Variants in CADPS observed in about 807,000 individuals in gnomAD.
CADPS encodes calcium-dependent secretion activator 1.
CADPS carries 57 observed loss-of-function variants against 167.3 expected under a neutral mutation model. The observed-to-expected ratio is 0.34, with a 90% CI of 0.28 to 0.42. The LOEUF (loss-of-function observed/expected upper bound fraction) is 0.42. CADPS is among the 20% of genes least tolerant of loss of function. The pLI is 1.00. For missense variants in CADPS, 1,414 were observed against 1,738.1 expected (o/e 0.81, Z 3.32); for synonymous variants, 676 against 635.3 (o/e 1.06, Z -0.96).
chr3:62,570,480 G>A (rs2152450391), intron 9 of CADPS, among the ~76,000 whole-genome samples: 1 of 152,294 alleles, frequency 6.6e-6, no homozygotes, highest in East Asian at 1.9e-4. Flanking sequence ...TTCAGCCAAA[G>A]TTAATGTCCC....
At chr3:62,853,136 C>G (rs1020163404) in intron 1 of CADPS, among the ~76,000 whole-genome samples, 10 of 152,072 alleles carry the variant, frequency 6.6e-5, no homozygotes, top group Non-Finnish European at 1.2e-4. Context: ...AACAGTAGGA[C>G]AAACAGGAAA....
At chr3:62,400,014 T>C (rs1705316628) in intron 29 of CADPS, among the ~76,000 whole-genome samples, 1 of 152,240 alleles carries the variant, frequency 6.6e-6, no homozygotes, top group African/African-American at 2.4e-5. Flanking sequence ...AGTCTTGTTT[T>C]AGTATTTTTG....
At position 62,461,627 on chromosome 3, in the gene CADPS, A is replaced by G. The variant is rs7618890; in HGVS notation, c.3636+3740T>C. Among the ~76,000 whole-genome samples the G allele has an allele frequency of 9.6e-3, 1,456 of 152,198 alleles. 22 individuals carry two copies. Among genetic ancestry groups the G allele is most frequent in the African/African-American group, 0.033 (1,354 of 41,500 alleles). On this transcript the variant is annotated intron_variant, in intron 26 of 29. Coordinates refer to ENST00000383710, the MANE Select transcript of CADPS (RefSeq NM_003716.4). ...CTGCCTCCTGGCTAATGCAGCTGCT[A>G]TTTTGTCCAGAAGATTCTCCCCTCT...
chr3:62,512,274 C>G (rs1255013805), intron 17 of CADPS, among the ~76,000 whole-genome samples: 1 of 152,132 alleles, frequency 6.6e-6, no homozygotes, highest in Admixed American at 6.6e-5. Context: ...TTCGGTCATC[C>G]TGTCCATGCT....
intron 11 of CADPS, among the ~76,000 whole-genome samples, chr3:62,537,796 C>A (rs1398473488): frequency 6.6e-6 from 1 of 151,838 alleles, no homozygotes; most frequent in East Asian, 1.9e-4. Flanking sequence ...TTAGCAGTGT[C>A]ACTTCCAGAT....
chr3:62,784,309 T>C (rs1443300868), intron 1 of CADPS, among the ~76,000 whole-genome samples: 3 of 152,212 alleles, frequency 2.0e-5, no homozygotes, highest in Admixed American at 6.5e-5. Flanking sequence ...ATACATTATT[T>C]TGATAACATA....
At chr3:62,680,366 C>T (rs555750931) in intron 3 of CADPS, among the ~76,000 whole-genome samples, 1 of 152,094 alleles carries the variant, frequency 6.6e-6, no homozygotes, top group South Asian at 2.1e-4. Context: ...CATTGGCCCA[C>T]CCTACCCCAA....
rs202064143 is a variant in CADPS, at chr3:62,765,907, G to A, written c.519C>T (p.Asp173=). ...TCTGCACAGCGTTCATGAAGGCTTC[G>A]TCAGCCATGATCTGGGTTTCCCCAT... The part of the protein sequence containing the change: ...FLNGETQIMA[D]EAFMNAVQSY... The change falls in exon 2 of 30, where the codon GAC becomes GAT. Residue 173 remains aspartate, a synonymous_variant. Coordinates refer to ENST00000383710, the MANE Select transcript of CADPS (RefSeq NM_003716.4). The A allele has an allele frequency of 5.0e-6, 8 of 1,612,894 alleles. No homozygotes were observed. The highest frequency in any genetic ancestry group is 2.2e-5 in the South Asian group (2 of 91,038).
At chr3:62,662,511 A>G in intron 3 of CADPS, 117 bp from the exon 4 acceptor site, 1 of 815,782 alleles carries the variant, frequency 1.2e-6, no homozygotes, top group Admixed American at 2.4e-5. Flanking sequence ...TCAGTTAAAA[A>G]AAAATTCTTA....
At chr3:62,865,709 A>T (rs2081566358) in intron 1 of CADPS, among the ~76,000 whole-genome samples, 1 of 152,154 alleles carries the variant, frequency 6.6e-6, no homozygotes, top group Admixed American at 6.5e-5. Context: ...AAGCAGTTTT[A>T]CTTTTTATTG....
intron 28 of CADPS, chr3:62,403,672 G>A (rs1707252183): frequency 6.6e-6 from 1 of 152,258 alleles, no homozygotes; most frequent in Non-Finnish European, 1.5e-5. Flanking sequence ...ATTGGGCTGA[G>A]AGCCTTAGGA....
At chr3:62,459,824 G>A (rs1275633694) in intron 26 of CADPS, among the ~76,000 whole-genome samples, 2 of 152,208 alleles carry the variant, frequency 1.3e-5, no homozygotes, top group African/African-American at 4.8e-5. Context: ...TAGAATGAAG[G>A]ACTAATGTAA....
At chr3:62,546,573 C>T (rs2076486634) in intron 11 of CADPS, among the ~76,000 whole-genome samples, 2 of 152,262 alleles carry the variant, frequency 1.3e-5, no homozygotes, top group East Asian at 1.9e-4. Context: ...AACAATTATG[C>T]AGTCAGCTCT....
intron 7 of CADPS, among the ~76,000 whole-genome samples, chr3:62,590,085 A>G (rs914482717): frequency 1.3e-5 from 2 of 151,198 alleles, no homozygotes; most frequent in African/African-American, 4.9e-5. Flanking sequence ...GCTACTTGGG[A>G]GGCTGAGGCA....
At chr3:62,593,055 T>C (rs1309179762) in intron 6 of CADPS, among the ~76,000 whole-genome samples, 4 of 152,226 alleles carry the variant, frequency 2.6e-5, no homozygotes, top group Non-Finnish European at 4.4e-5. Flanking sequence ...CTACAAACGA[T>C]TCCAGGGAAA....
chr3:62,858,100 T>C (rs989561881), intron 1 of CADPS, among the ~76,000 whole-genome samples: 11 of 152,084 alleles, frequency 7.2e-5, no homozygotes, highest in African/African-American at 2.7e-4. Context: ...TTACTGTAAA[T>C]AAGAAAAACT....
chr3:62,564,635 C>G (rs982565340), intron 9 of CADPS, among the ~76,000 whole-genome samples: 1 of 137,922 alleles, frequency 7.3e-6, no homozygotes. Context: ...GAGACAGAAT[C>G]TTGCTCTGTC....
At chr3:62,741,763 G>C (rs1008798686) in intron 3 of CADPS, among the ~76,000 whole-genome samples, 1 of 152,142 alleles carries the variant, frequency 6.6e-6, no homozygotes, top group Non-Finnish European at 1.5e-5. Context: ...TGTATCGGAA[G>C]TCTTGGCCAG....
intron 1 of CADPS, among the ~76,000 whole-genome samples, chr3:62,859,704 A>T (rs1396711215): frequency 6.6e-6 from 1 of 152,196 alleles, no homozygotes; most frequent in African/African-American, 2.4e-5. Flanking sequence ...CTGACAAATT[A>T]TGTGGGGCTT....
Sources: gnomAD v4.1 joint callset for allele counts (sites outside exome capture counted in the v4.1 genomes callset) on GRCh38, gnomAD v4.1.1 for gene constraint, MANE v1.5 for transcripts, NCBI Gene and HGNC (gene_info 2026-07-23, HGNC 2026-07-21) for gene names.